Variants in CFAP44 observed in about 807,000 individuals in gnomAD.
The protein encoded by CFAP44 is cilia and flagella associated protein 44.
CFAP44 carries 134 observed loss-of-function variants against 216.2 expected under a neutral mutation model. The ratio of observed to expected loss-of-function variants is 0.62; its 90% CI spans 0.54 to 0.72. The LOEUF is 0.72. CFAP44 is among the 30% of genes least tolerant of loss of function. CFAP44 has a pLI of 0.00. For missense variants in CFAP44, 2,035 were observed against 2,182.1 expected, an observed-to-expected ratio of 0.93 and a Z score of 1.34; for synonymous variants, 700 against 727.6, an observed-to-expected ratio of 0.96 and a Z score of 0.61.
At chr3:113,349,926 C>T (rs1950426662) in intron 22 of CFAP44, among the ~76,000 whole-genome samples, 1 of 152,228 alleles carries the variant, frequency 6.6e-6, no homozygotes, top group Non-Finnish European at 1.5e-5. Flanking sequence ...AATTGGGAGA[C>T]TTTGTTACAG....
In CFAP44 at chr3:113,344,631, C is replaced by T. The variant is rs1206138351; in HGVS notation, c.3147G>A (p.Val1049=). The T allele has an allele frequency of 2.6e-6, 4 of 1,537,054 alleles. No homozygotes were observed. The highest frequency in any genetic ancestry group is 2.4e-5 in the East Asian group (1 of 40,912). The change falls in exon 23 of 35, where the codon GTG becomes GTA. Residue 1049 remains valine, a synonymous_variant. Coordinates refer to ENST00000393845, the MANE Select transcript of CFAP44 (RefSeq NM_001164496.2). The part of the protein sequence containing the change: ...SDHKISSYRL[V]QPSKYSKFKR... ...TGAATTTGGAGTACTTAGAGGGCTG[C>T]ACCAGCCTGTAAGAGGATATCTTGT...
intron 15 of CFAP44, among the ~76,000 whole-genome samples, chr3:113,393,425 A>G (rs1933898982): frequency 6.6e-6 from 1 of 152,072 alleles, no homozygotes; most frequent in African/African-American, 2.4e-5. Context: ...CCTCATGAAT[A>G]GATTGATGAT....
At chr3:113,431,143 G>A (rs1171577198) in intron 2 of CFAP44, among the ~76,000 whole-genome samples, 1 of 152,088 alleles carries the variant, frequency 6.6e-6, no homozygotes, top group Non-Finnish European at 1.5e-5. Context: ...AGGTTTTCAG[G>A]GGTGGGGGGA....
At chr3:113,294,913 A>C in intron 33 of CFAP44, 92 bp from the exon 34 acceptor site, 1 of 1,379,304 alleles carries the variant, frequency 7.3e-7, no homozygotes, top group Non-Finnish European at 9.5e-7. Flanking sequence ...ATCATCAGGC[A>C]AATGGAGCAA....
rs1366683331 is a variant in CFAP44, at chr3:113,288,969, A to G, written c.*2588T>C. On this transcript the variant is annotated 3_prime_UTR_variant, in exon 35 of 35. Transcript: ENST00000393845. Reference sequence around the variant, plus strand: ...TGAACAATTGACCCACAAGTAACTCAGTGTAGGCTGATTTTTGGCCTTACC... The same window carrying G: ...TGAACAATTGACCCACAAGTAACTCGGTGTAGGCTGATTTTTGGCCTTACC... 6.6e-6 allele frequency: 1 copy of G among 152,168 alleles called. No individual in the cohort carries two copies. The highest frequency in any genetic ancestry group is 2.4e-5 in the African/African-American group (1 of 41,440). The allele number at this position is 152,168 out of a possible 1,614,324, so 9.4% of individuals were successfully genotyped here. A position where few individuals can be genotyped will look rare whatever the true frequency, so the allele number is the denominator to read the frequency against.
At position 113,330,195 on chromosome 3, in the gene CFAP44, C is replaced by T; in HGVS notation, c.4089G>A (p.Val1363=). 6.5e-7 allele frequency: 1 copy of T among 1,536,940 alleles called. No homozygotes were observed. The highest frequency in any genetic ancestry group is 1.7e-4 in the Middle Eastern group (1 of 5,994). The change falls in exon 26 of 35, where the codon GTG becomes GTA. Residue 1363 remains valine (V), a synonymous_variant. Transcript: ENST00000393845. ...EIMKRDEIKH[V]YMQQYLVNRI... ...TGTTGACCAAATACTGTTGCATGTA[C>T]ACGTGTTTAATCTCGTCTCTCTTCA... is the stretch of plus-strand genomic sequence containing the variant.
Position 113,290,910 on chromosome 3 carries a change from C to A in CFAP44, c.*647G>T, listed in dbSNP as rs1949823362. The A allele has an allele frequency of 6.6e-6, 1 of 152,548 alleles. No individual in the cohort carries two copies. The highest frequency in any genetic ancestry group is 1.5e-5 in the Non-Finnish European group (1 of 68,306). The allele number at this position is 152,548 out of a possible 1,614,324, so 9.4% of individuals were successfully genotyped here. On this transcript the variant is annotated 3_prime_UTR_variant, in exon 35 of 35. Coordinates refer to ENST00000393845, the MANE Select transcript of CFAP44 (RefSeq NM_001164496.2). ...TCTGCTCCACTCAGAACTGAGGAGT[C>A]TACAAAAACTGTGGGCAATCCAAGA... is the stretch of plus-strand genomic sequence containing the variant.
chr3:113,303,350 T>G (rs1949956126), intron 32 of CFAP44, among the ~76,000 whole-genome samples: 1 of 152,200 alleles, frequency 6.6e-6, no homozygotes, highest in Non-Finnish European at 1.5e-5. Flanking sequence ...GGAGGCTAAA[T>G]AAAATATTTA....
intron 15 of CFAP44, 134 bp downstream of exon 15, chr3:113,395,616 G>A: frequency 1.5e-6 from 1 of 672,444 alleles, no homozygotes; most frequent in Non-Finnish European, 2.4e-6. Context: ...TGAGCTTTCT[G>A]TTGCCGCATC....
rs11922216 is a variant in CFAP44, at chr3:113,321,444, C to A, written c.4516+5001G>T. ...TGAATAGGCAAAAGCTGGAACCATTCTTCTTGAGAAGTGGAACAAGGCAAG... is the reference window on the plus strand; with the variant it reads ...TGAATAGGCAAAAGCTGGAACCATTATTCTTGAGAAGTGGAACAAGGCAAG... On this transcript the variant is annotated intron_variant, in intron 28 of 34. Transcript: ENST00000393845. 1.9e-3 allele frequency among the ~76,000 whole-genome samples: 291 copies of A among 152,308 alleles called. 2 individuals carry two copies. The highest frequency in any genetic ancestry group is 5.7e-3 in the African/African-American group (238 of 41,570).
At chr3:113,389,625 AAG>A (rs2107347122) in intron 15 of CFAP44, among the ~76,000 whole-genome samples, 1 of 152,230 alleles carries the variant, frequency 6.6e-6, no homozygotes, top group African/African-American at 2.4e-5. Flanking sequence ...CTAACAAAAT[AAG>A]AGAGAGAAGC....
intron 7 of CFAP44, 44 bp from the exon 8 acceptor site, chr3:113,407,085 T>C (rs753533562): frequency 4.2e-6 from 6 of 1,421,168 alleles, no homozygotes; most frequent in Non-Finnish European, 4.0e-6. Flanking sequence ...AGATATTTTA[T>C]TGATTTTTAT....
At position 113,374,903 on chromosome 3, in the gene CFAP44, T is replaced by C. The variant is rs531218090; in HGVS notation, c.2299-1347A>G. ...CACCCGCCTTGACCTCCTAAAGTGC[T>C]AGGATTACAGGCGTGAGCCACCGTG... On this transcript the variant is annotated intron_variant, in intron 17 of 34. Transcript: ENST00000393845. Among the ~76,000 whole-genome samples the C allele has an allele frequency of 5.3e-5, 8 of 152,342 alleles. No individual in the cohort carries two copies. The South Asian group carries it at 1.7e-3, about 32-fold the overall frequency.
rs1264248111 is a variant in CFAP44 at position 113,404,014 on chromosome 3, C to T, written c.1008G>A (p.Val336=). 8 of 1,611,786 alleles carry T rather than the reference C, an allele frequency of 5.0e-6. No individual in the cohort carries two copies. The highest frequency in any genetic ancestry group is 5.1e-6 in the Non-Finnish European group (6 of 1,178,802). Residue 336 remains valine, a splice_region_variant and synonymous_variant, in exon 9 of 35, where the codon GTG becomes GTA. Transcript: ENST00000393845. ...TGTTGCCCCATTCTGACCCTGAGAG[C>T]ACCTGGCAGGTATGTGGAAAAAAGA... ...EGYMELPDGK[V]LSGSEWGNML... is the part of the protein sequence containing the mutation.
chr3:113,308,766 T>TTTTG (rs1245409632), intron 28 of CFAP44, among the ~76,000 whole-genome samples: 5 of 151,942 alleles, frequency 3.3e-5, no homozygotes, highest in Non-Finnish European at 5.9e-5. Flanking sequence ...AATTTTTGGT[T>TTTTG]TTTGTTTGTT....
At chr3:113,362,735 A>G in intron 21 of CFAP44, 1 of 338,804 alleles carries the variant, frequency 3.0e-6, no homozygotes, top group Non-Finnish European at 5.2e-6. Context: ...TTGCAGCAAA[A>G]GATCAAATCG....
chr3:113,323,318 A>G (rs1950161312), intron 28 of CFAP44, among the ~76,000 whole-genome samples: 1 of 152,238 alleles, frequency 6.6e-6, no homozygotes, highest in African/African-American at 2.4e-5. Flanking sequence ...TTGCAGCAAC[A>G]TGGATGGAGC....
In CFAP44 at chr3:113,341,729, T is replaced by TTA. The variant is rs111269667; in HGVS notation, c.3437+14_3437+15insTA. 6.2e-6 allele frequency: 9 copies of TTA among 1,454,918 alleles called. No homozygotes were observed. The highest frequency in any genetic ancestry group is 7.2e-6 in the Non-Finnish European group (8 of 1,113,492). 90.1% of individuals were successfully genotyped at this position (1,454,918 alleles called of 1,614,324 possible). A position where few individuals can be genotyped will look rare whatever the true frequency, so the allele number is the denominator to read the frequency against. On this transcript the variant is annotated intron_variant, in intron 24 of 34. Transcript: ENST00000393845. Reference sequence around the variant, plus strand: ...CATATTAAAAAGATAAGAGTTTAGGTAAAAAAAAACTCACAGTTCCTCCCA... The same window carrying TTA: ...CATATTAAAAAGATAAGAGTTTAGGTTAAAAAAAAAACTCACAGTTCCTCCCA...
chr3:113,365,521 C>T (rs1315442239), intron 19 of CFAP44, among the ~76,000 whole-genome samples: 1 of 152,106 alleles, frequency 6.6e-6, no homozygotes, highest in East Asian at 1.9e-4. Flanking sequence ...AACCCTCAAA[C>T]TTCATCATAA....
Sources: allele counts gnomAD v4.1 joint callset (sites outside exome capture counted in the v4.1 genomes callset), GRCh38; gene constraint gnomAD v4.1.1; transcripts MANE v1.5; gene names NCBI Gene and HGNC (gene_info 2026-07-23, HGNC 2026-07-21).